The following TPH2 variants were observed in gnomAD, a reference collection of about 807,000 sequenced individuals.
TPH2 encodes tryptophan 5-hydroxylase 2.
A neutral mutation model predicts 59.1 loss-of-function variants in TPH2; 27 were observed. The ratio of observed to expected loss-of-function variants is 0.46; its 90% CI spans 0.34 to 0.63. The LOEUF is 0.63. Among genes scored for constraint, TPH2 ranks in the 30% least tolerant of loss-of-function variants. TPH2 has a pLI of 0.01. For synonymous variants in TPH2, 220 were observed against 210.5 expected (o/e 1.05, Z -0.39); for missense variants, 523 against 588.3 (o/e 0.89, Z 1.15).
intron 7 of TPH2, among the ~76,000 whole-genome samples, chr12:71,983,795 GAGAGAGAGAA>G (rs1872355367): frequency 7.1e-6 from 1 of 140,458 alleles, no homozygotes; most frequent in African/African-American, 2.5e-5. Context: ...GAGACAGAGA[GAGAGAGAGAA>G]AGAGAGAGAT....
Position 72,014,046 on chromosome 12 carries a change from G to A in TPH2, c.1069-8353G>A, listed in dbSNP as rs151152051. 9.1e-4 allele frequency among the ~76,000 whole-genome samples: 139 copies of A among 152,276 alleles called. 4 individuals are homozygous for A. The East Asian group carries it at 0.014, about 15-fold the overall frequency. Reference sequence around the variant, plus strand: ...TAGAAATCTAGGTGTAGCTGCAGTCGTGAAAGGCATTTGGACCAGTGGTAC... The same window carrying A: ...TAGAAATCTAGGTGTAGCTGCAGTCATGAAAGGCATTTGGACCAGTGGTAC... On this transcript the variant is annotated intron_variant, in intron 8 of 10. Transcript: ENST00000333850.
chr12:71,976,117 A>G (rs1295303483), intron 6 of TPH2, among the ~76,000 whole-genome samples: 1 of 152,228 alleles, frequency 6.6e-6, no homozygotes, highest in Admixed American at 6.5e-5. Flanking sequence ...ATGTGACCTT[A>G]GAAGAGTCAC....
intron 8 of TPH2, among the ~76,000 whole-genome samples, chr12:72,018,986 G>C (rs1873336876): frequency 6.6e-6 from 1 of 152,140 alleles, no homozygotes; most frequent in South Asian, 2.1e-4. Context: ...TGGTAAAATA[G>C]GAGAGCTGAA....
chr12:72,025,492 C>T (rs1015818413), intron 9 of TPH2, among the ~76,000 whole-genome samples: 1 of 152,154 alleles, frequency 6.6e-6, no homozygotes, highest in Non-Finnish European at 1.5e-5. Flanking sequence ...GTTCAGATAA[C>T]TTTCATTTTT....
intron 4 of TPH2, among the ~76,000 whole-genome samples, chr12:71,948,111 AC>A (rs2139182539): frequency 6.6e-6 from 1 of 152,152 alleles, no homozygotes; most frequent in South Asian, 2.1e-4. Flanking sequence ...CCAGCAGGAG[AC>A]CTTTTTAAAG....
chr12:72,015,466 C>G (rs1350912394), intron 8 of TPH2, among the ~76,000 whole-genome samples: 1 of 151,718 alleles, frequency 6.6e-6, no homozygotes, highest in Non-Finnish European at 1.5e-5. Flanking sequence ...ACTACAGGTG[C>G]CCACCACCAC....
At chr12:72,002,398 A>G (rs1024438042) in intron 8 of TPH2, among the ~76,000 whole-genome samples, 17 of 152,128 alleles carry the variant, frequency 1.1e-4, no homozygotes, top group Non-Finnish European at 2.5e-4. Flanking sequence ...AGAGAAAATG[A>G]GAATACACTG....
At chr12:71,971,183 A>C (rs1233080322) in intron 5 of TPH2, among the ~76,000 whole-genome samples, 1 of 152,174 alleles carries the variant, frequency 6.6e-6, no homozygotes, top group Non-Finnish European at 1.5e-5. Flanking sequence ...AGCAACCCTG[A>C]GTGACAGTTG....
At chr12:71,976,773 T>C (rs1180239843) in intron 6 of TPH2, among the ~76,000 whole-genome samples, 1 of 152,200 alleles carries the variant, frequency 6.6e-6, no homozygotes, top group Non-Finnish European at 1.5e-5. Context: ...ATAAGCTTAG[T>C]TGGTTCTTGC....
chr12:71,983,480 T>G (rs1288719631), intron 7 of TPH2, among the ~76,000 whole-genome samples: 1 of 152,158 alleles, frequency 6.6e-6, no homozygotes, highest in East Asian at 1.9e-4. Context: ...TTCCAAGTTA[T>G]GTAGGCATGT....
chr12:71,975,844 C>G (rs972542598), intron 6 of TPH2, among the ~76,000 whole-genome samples: 1 of 152,246 alleles, frequency 6.6e-6, no homozygotes, highest in South Asian at 2.1e-4. Context: ...GTTAACTAGA[C>G]TGTATTCTCC....
At chr12:72,015,857 C>A (rs1270041597) in intron 8 of TPH2, among the ~76,000 whole-genome samples, 2 of 151,972 alleles carry the variant, frequency 1.3e-5, no homozygotes, top group African/African-American at 4.8e-5. Flanking sequence ...GGGGATGAAA[C>A]CTAGAAAGAG....
At chr12:71,947,850 CAGA>C (rs1048048101) in intron 4 of TPH2, among the ~76,000 whole-genome samples, 9 of 152,280 alleles carry the variant, frequency 5.9e-5, no homozygotes, top group African/African-American at 2.2e-4. Context: ...CAGGTGTTTG[CAGA>C]AGAGAGGCAG....
chr12:71,989,084 A>G (rs1872516391), intron 7 of TPH2, among the ~76,000 whole-genome samples: 1 of 141,892 alleles, frequency 7.0e-6, no homozygotes, highest in South Asian at 2.3e-4. Flanking sequence ...TGCAACATCC[A>G]GGTTCCTGGC....
chr12:72,002,409 T>C (rs1435230301), intron 8 of TPH2, among the ~76,000 whole-genome samples: 1 of 152,006 alleles, frequency 6.6e-6, no homozygotes, highest in Non-Finnish European at 1.5e-5. Context: ...GAATACACTG[T>C]AGTAATCGTA....
intron 8 of TPH2, among the ~76,000 whole-genome samples, chr12:71,996,875 C>CA (rs1365082681): frequency 6.6e-6 from 1 of 152,128 alleles, no homozygotes; most frequent in Non-Finnish European, 1.5e-5. Context: ...ATTCAAATTA[C>CA]ATTTATAAGG....
chr12:71,945,175 G>C (rs1175509713), intron 4 of TPH2, among the ~76,000 whole-genome samples: 1 of 152,104 alleles, frequency 6.6e-6, no homozygotes, highest in Non-Finnish European at 1.5e-5. Context: ...TAGAATAAAG[G>C]CTATGATGGA....
intron 8 of TPH2, among the ~76,000 whole-genome samples, chr12:72,021,151 A>T (rs759337579): frequency 2.6e-5 from 4 of 152,056 alleles, no homozygotes; most frequent in Non-Finnish European, 4.4e-5. Flanking sequence ...TCAGCATCTC[A>T]CTTTTCTTTC....
rs57532900 is a variant in TPH2 at position 72,021,356 on chromosome 12, AGTGTGTGTGTGT to A, written c.1069-1014_1069-1003del. On this transcript the variant is annotated intron_variant, in intron 8 of 10. Coordinates refer to ENST00000333850, the MANE Select transcript of TPH2 (RefSeq NM_173353.4). ...ATGCTGATAAAACTTGGGCCAATAA[AGTGTGTGTGTGT>A]GTGTGTGTGTGTGTGTGTGTGTGTG... Among the ~76,000 whole-genome samples, 599 of 143,110 alleles carry A rather than the reference AGTGTGTGTGTGT, an allele frequency of 4.2e-3. 3 individuals carry two copies. Among genetic ancestry groups the A allele is most frequent in the African/African-American group, 7.5e-3 (286 of 38,258 alleles). The allele number at this position is 143,110 out of a possible 152,430, so 93.9% of individuals were successfully genotyped here. A position where few individuals can be genotyped will look rare whatever the true frequency, so the allele number is the denominator to read the frequency against.
Sources: allele counts gnomAD v4.1 joint callset (sites outside exome capture counted in the v4.1 genomes callset), GRCh38; gene constraint gnomAD v4.1.1; transcripts MANE v1.5; gene names NCBI Gene and HGNC (gene_info 2026-07-23, HGNC 2026-07-21).